The following ZNF195 variants were observed in gnomAD, a reference collection of about 807,000 sequenced individuals.
The protein encoded by ZNF195 is zinc finger protein 195.
ZNF195 carries 11 observed loss-of-function variants against 19.5 expected under a neutral mutation model. The ratio of observed to expected loss-of-function variants is 0.57; its 90% CI spans 0.36 to 0.94. The LOEUF (loss-of-function observed/expected upper bound fraction) is 0.94, where lower values mean the gene tolerates loss of function less well. Ranked by LOEUF, ZNF195 falls within the 40% of genes least tolerant of loss-of-function variation. The pLI, the probability that ZNF195 is intolerant of heterozygous loss-of-function variation, is 0.01. For synonymous variants in ZNF195, 214 were observed against 248.1 expected, an observed-to-expected ratio of 0.86 and a Z score of 1.29; for missense variants, 582 against 709.0, an observed-to-expected ratio of 0.82 and a Z score of 2.03.
At chr11:3,374,177 T>C (rs1465410969) in intron 1 of ZNF195, among the ~76,000 whole-genome samples, 2 of 152,226 alleles carry the variant, frequency 1.3e-5, no homozygotes, top group African/African-American at 4.8e-5. Flanking sequence ...AAGCCTTGCT[T>C]CTCAAGCTTC....
chr11:3,361,413 CT>C (rs1458033947), intron 4 of ZNF195, among the ~76,000 whole-genome samples: 3 of 151,952 alleles, frequency 2.0e-5, no homozygotes, highest in Non-Finnish European at 4.4e-5. Context: ...CATAAATTAA[CT>C]GAAGAAAATA....
rs79025622 is a variant in ZNF195 at position 3,361,333 on chromosome 11, T to C, written c.373+410A>G. ...TCAGTCAAAGATGACATGTACAAAG[T>C]ATTAGGGTCACATGGCATAATCAAA... On this transcript the variant is annotated intron_variant, in intron 4 of 5. Coordinates refer to ENST00000399602, the MANE Select transcript of ZNF195 (RefSeq NM_001130520.3). Among the ~76,000 whole-genome samples the C allele has an allele frequency of 6.8e-3, 1,042 of 152,260 alleles. 6 individuals are homozygous for C. Among genetic ancestry groups the C allele is most frequent in the Non-Finnish European group, 0.01 (700 of 67,996 alleles).
intron 1 of ZNF195, 59 bp downstream of exon 1, chr11:3,378,979 T>C: frequency 7.3e-7 from 1 of 1,369,860 alleles, no homozygotes; most frequent in Non-Finnish European, 9.6e-7. Context: ...CCCGAGCCGG[T>C]ACCGCGGGTT....
intron 3 of ZNF195, 97 bp downstream of exon 3, chr11:3,370,878 T>C: frequency 8.2e-7 from 1 of 1,222,682 alleles, no homozygotes; most frequent in African/African-American, 1.5e-5. Context: ...CCATCTCCAC[T>C]AGGGCAGAGC....
At chr11:3,375,127 G>C (rs1457407628) in intron 1 of ZNF195, among the ~76,000 whole-genome samples, 1 of 152,196 alleles carries the variant, frequency 6.6e-6, no homozygotes, top group Non-Finnish European at 1.5e-5. Flanking sequence ...TCGGAGGAGA[G>C]TCCAGGGTGA....
chr11:3,359,997 G>C lies in ZNF195; in HGVS notation c.1011C>G (p.Asn337Lys). The stretch of plus-strand genomic sequence containing the variant: ...CATGTTCAGTAAGGTGGGAGCACTG[G>C]TTAAATACTTTGCCAAATTCTTCAC... The part of the protein sequence containing the change: ...YRCEEFGKVF[N>K]QCSHLTEHEH... The change falls in exon 6 of 6, where the codon AAC becomes AAG. Residue 337 changes from asparagine (N) to lysine (K), a missense_variant. Asn to Lys is a moderately conservative substitution (Grantham distance 94). This residue lies in a region of ZNF195 where 407 missense variants were observed against 530.5 expected (regional missense o/e 0.77). Transcript: ENST00000399602. This position sits in a 1 kb window ranked among gnomAD's most constrained non-coding sequence, Gnocchi z 5.5. The C allele has an allele frequency of 6.2e-7, 1 of 1,614,048 alleles. No individual in the cohort carries two copies. The highest frequency in any genetic ancestry group is 2.2e-5 in the East Asian group (1 of 44,880).
chr11:3,358,710 T>A lies in ZNF195; in HGVS notation c.*408A>T, dbSNP rs1848490078. ...TTAAATATAAATGATCTATTTTAAG[T>A]CTAGATGTCTCTGTAGACTCAACAC... On this transcript the variant is annotated 3_prime_UTR_variant, in exon 6 of 6. Coordinates refer to ENST00000399602, the MANE Select transcript of ZNF195 (RefSeq NM_001130520.3). 1.3e-4 allele frequency: 1 copy of A among 7,974 alleles called. No homozygotes were observed. The highest frequency in any genetic ancestry group is 4.0e-4 in the African/African-American group (1 of 2,528). 0.5% of individuals were successfully genotyped at this position (7,974 alleles called of 1,614,324 possible). A position where few individuals can be genotyped will look rare whatever the true frequency, so the allele number is the denominator to read the frequency against.
rs1383076623 is a variant in ZNF195 at position 3,361,758 on chromosome 11, C to A, written c.358G>T (p.Val120Leu). The change falls in exon 4 of 6, where the codon GTG becomes TTG. Residue 120 changes from valine (V) to leucine (L), a missense_variant. Val to Leu is a conservative substitution (Grantham distance 32). Transcript: ENST00000399602. ...AGGAGATTACCAGTGAATTTGTCCA[C>A]AGAAACATTGAGGCCTGGCTGGGCA... The part of the protein sequence containing the change: ...HRAQPGLNVS[V>L]DKFTALCSPG... The A allele has an allele frequency of 1.5e-6, 2 of 1,298,004 alleles. No homozygotes were observed. The highest frequency in any genetic ancestry group is 4.6e-5 in the Admixed American group (2 of 43,536). 80.4% of individuals were successfully genotyped at this position (1,298,004 alleles called of 1,614,324 possible).
At chr11:3,369,535 A>G (rs1469819030) in intron 3 of ZNF195, 1 of 447,788 alleles carries the variant, frequency 2.2e-6, no homozygotes, top group Non-Finnish European at 4.5e-6. Context: ...ATATAAATAG[A>G]CAATAGAATA....
chr11:3,368,909 C>T (rs1189482836), intron 3 of ZNF195: 8 of 448,536 alleles, frequency 1.8e-5, no homozygotes, highest in South Asian at 6.3e-5. Context: ...ATTTTTCTTA[C>T]ACCATACTCA....
At chr11:3,373,770 CTTTATAAA>C in intron 1 of ZNF195, 1 of 757,402 alleles carries the variant, frequency 1.3e-6, no homozygotes, top group African/African-American at 1.8e-5. Context: ...CTTTTCTGTT[CTTTATAAA>C]AGAGATTCAG....
Position 3,359,628 on chromosome 11 carries a change from G to C in ZNF195, c.1380C>G (p.His460Gln). 8.1e-6 allele frequency: 13 copies of C among 1,613,912 alleles called. No individual in the cohort carries two copies. The highest frequency in any genetic ancestry group is 1.1e-5 in the Non-Finnish European group (13 of 1,179,972). Reference sequence around the variant, plus strand: ...CACATTGGTAGGGTTTCTCTCCGGTGTGAATCCTCCTGTGTTCACTGAGGT... The same window carrying C: ...CACATTGGTAGGGTTTCTCTCCGGTCTGAATCCTCCTGTGTTCACTGAGGT... ...SSHLSEHRRI[H>Q]TGEKPYQCEE... Residue 460 changes from histidine to glutamine, a missense_variant, in exon 6 of 6, where the codon CAC becomes CAG. Around this residue, in one of 3 missense-constraint regions of ZNF195, gnomAD observed 407 missense variants for 530.5 expected, o/e 0.77. Transcript: ENST00000399602. This position sits in a 1 kb window ranked among gnomAD's most constrained non-coding sequence, Gnocchi z 5.5.
At chr11:3,375,804 G>A (rs575438272) in intron 1 of ZNF195, 7 of 152,296 alleles carry the variant, frequency 4.6e-5, no homozygotes, top group Admixed American at 3.9e-4. Context: ...AACAAACCCT[G>A]GGTGACTCAT....
Position 3,371,699 on chromosome 11 carries a change from A to G in ZNF195, c.8T>C (p.Leu3Pro). The G allele has an allele frequency of 6.3e-7, 1 of 1,595,302 alleles. No individual in the cohort carries two copies. Among genetic ancestry groups the G allele is most frequent in the Non-Finnish European group, 8.5e-7 (1 of 1,171,158 alleles). MT[L>P]LTFRDVAIEF... ...TATGGCCACATCCCTGAACGTCAAC[A>G]GAGTCTGAAGAAGAAACAACAACAA... The change falls in exon 2 of 6, where the codon CTG becomes CCG. Residue 3 changes from leucine (L) to proline (P), a missense_variant. Leu to Pro is a moderately conservative substitution (Grantham distance 98). This residue lies in a region of ZNF195 where 46 missense variants were observed against 66.5 expected (regional missense o/e 0.69). Transcript: ENST00000399602.
intron 3 of ZNF195, 61 bp downstream of exon 3, chr11:3,370,914 G>T: frequency 6.4e-7 from 1 of 1,561,234 alleles, no homozygotes; most frequent in African/African-American, 1.4e-5. Flanking sequence ...TTAAGGTCTG[G>T]CTTCCTCCTC....
chr11:3,373,427 G>T, intron 1 of ZNF195: 1 of 665,274 alleles, frequency 1.5e-6, no homozygotes, highest in Non-Finnish European at 2.7e-6. Flanking sequence ...TATTTTCAGA[G>T]ACCCTTCATT....
intron 1 of ZNF195, chr11:3,373,722 A>G: frequency 8.3e-7 from 1 of 1,204,180 alleles, no homozygotes; most frequent in South Asian, 1.4e-5. Context: ...CACCACAACC[A>G]TCAACAGAAA....
intron 1 of ZNF195, chr11:3,377,571 G>C (rs1278554214): frequency 2.7e-6 from 3 of 1,096,974 alleles, no homozygotes; most frequent in Non-Finnish European, 2.3e-6. Flanking sequence ...TCCAGGGATT[G>C]AAAGTTGGGT....
At chr11:3,362,544 A>G (rs1393780719) in intron 3 of ZNF195, 2 of 585,372 alleles carry the variant, frequency 3.4e-6, no homozygotes, top group Non-Finnish European at 6.2e-6. Flanking sequence ...AGTGTAAAAT[A>G]CCTTGTTGTA....
Sources: allele counts gnomAD v4.1 joint callset (sites outside exome capture counted in the v4.1 genomes callset), GRCh38; gene constraint gnomAD v4.1.1; regional missense constraint gnomAD v4.1.1; non-coding constraint Gnocchi (gnomAD v3.1); transcripts MANE v1.5; gene names NCBI Gene and HGNC (gene_info 2026-07-23, HGNC 2026-07-21).